DCAF1: variants seen among roughly 807,000 people sequenced by gnomAD.
DCAF1 encodes DDB1 and CUL4 associated factor 1, also known as DDB1- and CUL4-associated factor 1.
Under a neutral mutation model 128.0 loss-of-function variants are expected in DCAF1, and 15 were observed. The ratio of observed to expected loss-of-function variants is 0.12; its 90% CI spans 0.08 to 0.18. The LOEUF (loss-of-function observed/expected upper bound fraction) is 0.18. Ranked by LOEUF, DCAF1 falls within the 10% of genes least tolerant of loss-of-function variation. The pLI is 1.00. For synonymous variants in DCAF1, 610 were observed against 603.0 expected (o/e 1.01, Z -0.17); for missense variants, 988 against 1,649.5 (o/e 0.60, Z 6.95).
chr3:51,491,408 A>T (rs968787716), intron 2 of DCAF1, among the ~76,000 whole-genome samples: 1 of 152,124 alleles, frequency 6.6e-6, no homozygotes, highest in Non-Finnish European at 1.5e-5. Context: ...CTACAAAACT[A>T]TAGTAAATGG....
At chr3:51,472,972 A>G (rs1245710263) in intron 3 of DCAF1, among the ~76,000 whole-genome samples, 1 of 150,814 alleles carries the variant, frequency 6.6e-6, no homozygotes, top group African/African-American at 2.4e-5. Context: ...TTATTCATGC[A>G]TTATTTATAA....
chr3:51,425,801 C>A (rs1553633961), intron 13 of DCAF1, among the ~76,000 whole-genome samples: 2 of 151,726 alleles, frequency 1.3e-5, no homozygotes, highest in Non-Finnish European at 1.5e-5. Context: ...TGATCTCAAG[C>A]AATCTGCCCG....
chr3:51,494,521 T>C (rs782701882), intron 2 of DCAF1, among the ~76,000 whole-genome samples: 3 of 152,154 alleles, frequency 2.0e-5, no homozygotes, highest in Non-Finnish European at 4.4e-5. Flanking sequence ...TCAAAATGGG[T>C]AGTCGTTAAT....
chr3:51,427,854 A>G (rs1553634538), intron 12 of DCAF1, among the ~76,000 whole-genome samples: 2 of 152,120 alleles, frequency 1.3e-5, no homozygotes, highest in African/African-American at 4.8e-5. Context: ...GCTGGAGTGC[A>G]GTGGCATGAT....
chr3:51,485,486 A>C (rs1577309062), intron 2 of DCAF1, among the ~76,000 whole-genome samples: 1 of 152,220 alleles, frequency 6.6e-6, no homozygotes, highest in Admixed American at 6.5e-5. Context: ...GGGGATCCAA[A>C]AGGGATAAAT....
intron 9 of DCAF1, chr3:51,440,146 C>T: frequency 2.0e-6 from 1 of 509,778 alleles, no homozygotes; most frequent in South Asian, 1.4e-5. Context: ...CAACGTTCAG[C>T]CTTTTAGATT....
At chr3:51,408,922 C>T (rs1202442100) in intron 23 of DCAF1, among the ~76,000 whole-genome samples, 1 of 152,136 alleles carries the variant, frequency 6.6e-6, no homozygotes, top group Non-Finnish European at 1.5e-5. Context: ...AATAACTTAG[C>T]CATGTTGCAC....
At chr3:51,469,419 G>A (rs775631171) in intron 4 of DCAF1, among the ~76,000 whole-genome samples, 4 of 151,548 alleles carry the variant, frequency 2.6e-5, no homozygotes, top group East Asian at 3.9e-4. Context: ...TAGTAGAGAC[G>A]GGGTTTTTCC....
rs782069585 is a variant in DCAF1, at chr3:51,418,855, G to A, written c.3258C>T (p.Phe1086=). 7 of 1,613,138 alleles carry A rather than the reference G, an allele frequency of 4.3e-6. No individual in the cohort carries two copies. In the Admixed American group the frequency reaches 8.4e-5, roughly 19 times the overall value. The change falls in exon 16 of 25, where the codon TTC becomes TTT. Residue 1086 remains phenylalanine (F), a synonymous_variant. Coordinates refer to ENST00000684031, the MANE Select transcript of DCAF1 (RefSeq NM_001387579.1). ...IFSRFRPISV[F]REANEDESGF... ...CACTCTCATCTTCATTGGCTTCCCGGAACACTGAAATAGGACGGAATCTAA... is the reference window on the plus strand; with the variant it reads ...CACTCTCATCTTCATTGGCTTCCCGAAACACTGAAATAGGACGGAATCTAA...
intron 3 of DCAF1, among the ~76,000 whole-genome samples, chr3:51,475,161 C>T (rs541862379): frequency 9.2e-5 from 14 of 151,680 alleles, no homozygotes; most frequent in African/African-American, 3.4e-4. Flanking sequence ...AACTCCTGGA[C>T]TCAAGCAATA....
chr3:51,432,086 C>T (rs1577125190), intron 10 of DCAF1, among the ~76,000 whole-genome samples: 1 of 151,738 alleles, frequency 6.6e-6, no homozygotes, highest in East Asian at 1.9e-4. Context: ...GCCTGGCCAA[C>T]GTGCTGAAAC....
chr3:51,472,821 T>C (rs1396994369), intron 3 of DCAF1, among the ~76,000 whole-genome samples: 1 of 151,540 alleles, frequency 6.6e-6, no homozygotes, highest in African/African-American at 2.4e-5. Flanking sequence ...TGCACCACCA[T>C]ACCTGGCTAA....
intron 23 of DCAF1, among the ~76,000 whole-genome samples, chr3:51,410,328 A>C (rs1050597197): frequency 1.7e-4 from 26 of 152,198 alleles, no homozygotes; most frequent in Non-Finnish European, 3.4e-4. Flanking sequence ...AACAGTGAAG[A>C]CCAAGAGAGC....
rs1553632115 is a variant in DCAF1 at position 51,420,399 on chromosome 3, A to G, written c.2571T>C (p.His857=). The G allele has an allele frequency of 6.2e-7, 1 of 1,613,998 alleles. No individual in the cohort carries two copies. Among genetic ancestry groups the G allele is most frequent in the African/African-American group, 1.3e-5 (1 of 75,038 alleles). Residue 857 remains histidine (H), a synonymous_variant, in exon 15 of 25, where the codon CAT becomes CAC. Coordinates refer to ENST00000684031, the MANE Select transcript of DCAF1 (RefSeq NM_001387579.1). This position sits in a 1 kb window ranked among gnomAD's most constrained non-coding sequence, Gnocchi z 6.5. ...TTTCTCCAAGCCCTTTAGAAATAAG[A>G]TGGTTTCGTATCAACAAAAGCAGCT... The part of the protein sequence containing the change: ...EKELLLLIRN[H]LISKGLGETA...
At chr3:51,475,395 A>C (rs1400146509) in intron 3 of DCAF1, among the ~76,000 whole-genome samples, 3 of 152,048 alleles carry the variant, frequency 2.0e-5, no homozygotes, top group Non-Finnish European at 2.9e-5. Context: ...AGAGGTAAGG[A>C]GTTAGAGACC....
At chr3:51,497,289 T>C (rs1200148410) in intron 1 of DCAF1, among the ~76,000 whole-genome samples, 1 of 147,946 alleles carries the variant, frequency 6.8e-6, no homozygotes, top group Admixed American at 6.7e-5. Flanking sequence ...AGGAAGACTG[T>C]CTCAAAAAAA....
chr3:51,476,041 T>C (rs1311655569), intron 3 of DCAF1, among the ~76,000 whole-genome samples: 1 of 152,048 alleles, frequency 6.6e-6, no homozygotes, highest in Non-Finnish European at 1.5e-5. Context: ...AAGTAAGAGC[T>C]CTTTAGGTGT....
chr3:51,481,547 T>C (rs1438840448), intron 3 of DCAF1, among the ~76,000 whole-genome samples: 3 of 146,976 alleles, frequency 2.0e-5, no homozygotes, highest in Non-Finnish European at 4.5e-5. Context: ...ACAGAAAAAT[T>C]AGCCGAGCAT....
At chr3:51,471,258 A>C (rs1365380712) in intron 3 of DCAF1, among the ~76,000 whole-genome samples, 1 of 145,656 alleles carries the variant, frequency 6.9e-6, no homozygotes, top group Non-Finnish European at 1.5e-5. Context: ...ATCTTGGCTC[A>C]CTGCAAGCTC....
Sources: gnomAD v4.1 joint callset for allele counts (sites outside exome capture counted in the v4.1 genomes callset) on GRCh38, gnomAD v4.1.1 for gene constraint, Gnocchi (gnomAD v3.1) non-coding constraint, MANE v1.5 for transcripts, NCBI Gene and HGNC (gene_info 2026-07-23, HGNC 2026-07-21) for gene names.